Variants in CD163L1 observed in about 807,000 individuals in gnomAD.
CD163L1 encodes the protein scavenger receptor cysteine-rich type 1 protein M160.
In CD163L1, 124 loss-of-function variants were observed where a neutral mutation model predicts 165.4. The observed-to-expected ratio is 0.75, with a 90% CI of 0.65 to 0.87. The LOEUF is 0.87. CD163L1 is among the 40% of genes least tolerant of loss of function. CD163L1 has a pLI of 0.00. For synonymous variants in CD163L1, 585 were observed against 662.2 expected, an observed-to-expected ratio of 0.88 and a Z score of 1.79; for missense variants, 1,525 against 1,799.9, an observed-to-expected ratio of 0.85 and a Z score of 2.76.
At chr12:7,334,443 C>A in the CD163L1 span, among the ~76,000 whole-genome samples, 1 of 152,174 alleles carries the variant, frequency 6.6e-6, no homozygotes, top group South Asian at 2.1e-4. Flanking sequence ...TTCAACAACC[C>A]TTCATGCTAA....
chr12:7,378,372 T>C (rs1947315605), intron 9 of CD163L1, among the ~76,000 whole-genome samples: 1 of 152,020 alleles, frequency 6.6e-6, no homozygotes, highest in South Asian at 2.1e-4. Flanking sequence ...CACCCCACAC[T>C]GCAGCCAGAG....
intron 4 of CD163L1, among the ~76,000 whole-genome samples, chr12:7,424,411 C>T (rs1250764790): frequency 6.6e-6 from 1 of 152,164 alleles, no homozygotes; most frequent in Non-Finnish European, 1.5e-5. Context: ...GAAGCATCCC[C>T]TTTGAAAACC....
downstream of CD163L1, among the ~76,000 whole-genome samples, chr12:7,343,289 G>A (rs1457718626): frequency 1.3e-5 from 2 of 152,164 alleles, no homozygotes; most frequent in South Asian, 2.1e-4. Flanking sequence ...AAGTTAAAAC[G>A]ATTTGCGAAA....
chr12:7,411,345 CT>C (rs1237743973), intron 4 of CD163L1, among the ~76,000 whole-genome samples: 1 of 152,132 alleles, frequency 6.6e-6, no homozygotes, highest in Non-Finnish European at 1.5e-5. Context: ...TATTATTCCC[CT>C]GATATGGTTT....
chr12:7,409,603 G>A (rs765418207), intron 4 of CD163L1, among the ~76,000 whole-genome samples: 2 of 152,230 alleles, frequency 1.3e-5, no homozygotes, highest in African/African-American at 2.4e-5. Context: ...TCTCTTGCCC[G>A]CCTCTCACCG....
the CD163L1 span, among the ~76,000 whole-genome samples, chr12:7,337,467 T>C: frequency 1.3e-5 from 2 of 152,086 alleles, no homozygotes; most frequent in Non-Finnish European, 2.9e-5. Flanking sequence ...TTAAACAAGT[T>C]TATGAGAGAA....
At chr12:7,349,106 G>A (rs192541384) in intron 4 of CD163L1, among the ~76,000 whole-genome samples, 101 of 152,188 alleles carry the variant, frequency 6.6e-4, no homozygotes, top group Admixed American at 1.8e-3. Flanking sequence ...AAGCATGAAT[G>A]TCTCTACGGA....
intron 2 of CD163L1, among the ~76,000 whole-genome samples, chr12:7,435,140 A>G (rs1948698574): frequency 6.6e-6 from 1 of 152,002 alleles, no homozygotes; most frequent in African/African-American, 2.4e-5. Context: ...TGCCATTTCT[A>G]TTTTTTCAAT....
the CD163L1 span, chr12:7,322,408 G>A: frequency 2.5e-6 from 4 of 1,613,450 alleles, no homozygotes; most frequent in Non-Finnish European, 3.4e-6. Context: ...ATGCAACTCT[G>A]TCTCTCCAGA....
At chr12:7,326,398 T>TG in the CD163L1 span, among the ~76,000 whole-genome samples, 1 of 152,176 alleles carries the variant, frequency 6.6e-6, no homozygotes, top group African/African-American at 2.4e-5. Context: ...TTTGTAGAGA[T>TG]GGGGTCTCAC....
chr12:7,435,707 T>C (rs150258916), intron 2 of CD163L1, among the ~76,000 whole-genome samples: 318 of 152,184 alleles, frequency 2.1e-3, no homozygotes, highest in African/African-American at 7.3e-3. Flanking sequence ...CTCCTACCTA[T>C]AGACCGTAGT....
At chr12:7,403,471 A>C in intron 6 of CD163L1, 64 bp downstream of exon 6, 1 of 1,459,550 alleles carries the variant, frequency 6.9e-7, no homozygotes. Context: ...TATTGTTTCT[A>C]ACCTCCCAAC....
chr12:7,335,923 G>T, the CD163L1 span, among the ~76,000 whole-genome samples: 1 of 148,898 alleles, frequency 6.7e-6, no homozygotes, highest in Non-Finnish European at 1.5e-5. Flanking sequence ...ATCATCACTG[G>T]CCATCAGAGA....
Position 7,373,424 on chromosome 12 carries a change from T to C in CD163L1, c.3626A>G (p.Asp1209Gly). 1 of 1,614,184 alleles carries C rather than the reference T, an allele frequency of 6.2e-7. No homozygotes were observed. Residue 1209 changes from aspartate (D) to glycine (G), a missense_variant, in exon 14 of 20, where the codon GAC becomes GGC. Coordinates refer to ENST00000313599, the MANE Select transcript of CD163L1 (RefSeq NM_174941.6). ...GATATGCGTTTTAGGACACTGAATGTCATCCACCCACATGAAACCAGAGCC... is the reference window on the plus strand; with the variant it reads ...GATATGCGTTTTAGGACACTGAATGCCATCCACCCACATGAAACCAGAGCC... ...KTGSGFMWVD[D>G]IQCPKTHISI...
intron 4 of CD163L1, among the ~76,000 whole-genome samples, chr12:7,417,849 T>C (rs1006933323): frequency 6.6e-6 from 1 of 152,146 alleles, no homozygotes; most frequent in Non-Finnish European, 1.5e-5. Flanking sequence ...TCGATGTTCA[T>C]CAGGGATATT....
the CD163L1 span, among the ~76,000 whole-genome samples, chr12:7,327,707 T>C: frequency 1.3e-5 from 2 of 152,190 alleles, no homozygotes; most frequent in Non-Finnish European, 2.9e-5. Flanking sequence ...ACCTAAAAAC[T>C]ACTCACATTT....
intron 4 of CD163L1, among the ~76,000 whole-genome samples, chr12:7,410,478 C>T (rs1415531701): frequency 6.6e-6 from 1 of 151,956 alleles, no homozygotes; most frequent in Non-Finnish European, 1.5e-5. Context: ...TGGTGGTGTG[C>T]ACCTAAACCC....
intron 2 of CD163L1, 25 bp downstream of exon 2, chr12:7,441,129 A>G: frequency 6.4e-7 from 1 of 1,558,876 alleles, no homozygotes; most frequent in African/African-American, 1.4e-5. Context: ...TGTAAGCCCA[A>G]AAGTTATCAT....
chr12:7,423,278 C>T (rs1948473460), intron 4 of CD163L1, among the ~76,000 whole-genome samples: 1 of 151,908 alleles, frequency 6.6e-6, no homozygotes, highest in South Asian at 2.1e-4. Flanking sequence ...TCCTTGAAAC[C>T]AATGAGAACA....
Sources: gnomAD v4.1 joint callset for allele counts (sites outside exome capture counted in the v4.1 genomes callset) on GRCh38, gnomAD v4.1.1 for gene constraint, MANE v1.5 for transcripts, NCBI Gene and HGNC (gene_info 2026-07-23, HGNC 2026-07-21) for gene names.